Variants in RAB27A observed in about 807,000 individuals in gnomAD.
RAB27A encodes ras-related protein Rab-27A.
Under a neutral mutation model 20.8 loss-of-function variants are expected in RAB27A, and 17 were observed. The ratio of observed to expected loss-of-function variants is 0.82; its 90% CI spans 0.56 to 1.23. The LOEUF is 1.23. Among genes scored for constraint, RAB27A ranks in the 50% most tolerant of loss-of-function variants. The pLI is 0.00. For synonymous variants in RAB27A, 85 were observed against 92.8 expected (o/e 0.92, Z 0.48); for missense variants, 277 against 266.7 (o/e 1.04, Z -0.27).
chr15:55,209,207 C>T (rs1894800022), intron 6 of RAB27A, among the ~76,000 whole-genome samples: 1 of 152,024 alleles, frequency 6.6e-6, no homozygotes, highest in Non-Finnish European at 1.5e-5. Flanking sequence ...CTATAGTCAC[C>T]CTACTGATCC....
intron 2 of RAB27A, among the ~76,000 whole-genome samples, chr15:55,236,131 A>G (rs984915775): frequency 6.6e-6 from 1 of 151,078 alleles, no homozygotes; most frequent in Admixed American, 6.6e-5. Context: ...CCATGTAACT[A>G]AACACCACCT....
At chr15:55,310,257 G>A (rs2055014564) in intron 2 of RAB27A, among the ~76,000 whole-genome samples, 1 of 152,194 alleles carries the variant, frequency 6.6e-6, no homozygotes, top group Admixed American at 6.5e-5. Context: ...AGTTGTCCAG[G>A]ACAGAAGAGT....
chr15:55,280,933 G>T (rs1898000929), intron 1 of RAB27A, among the ~76,000 whole-genome samples: 1 of 152,108 alleles, frequency 6.6e-6, no homozygotes, highest in Non-Finnish European at 1.5e-5. Flanking sequence ...TTAGTTCCAA[G>T]TCTTTGCTAT....
At chr15:55,241,642 G>GTT (rs67185704) in intron 2 of RAB27A, among the ~76,000 whole-genome samples, 22 of 124,914 alleles carry the variant, frequency 1.8e-4, no homozygotes, top group Non-Finnish European at 3.1e-4. Flanking sequence ...ATATATATTT[G>GTT]TTTTTTTTTT....
intron 1 of RAB27A, among the ~76,000 whole-genome samples, chr15:55,283,321 G>A (rs926361575): frequency 6.6e-6 from 1 of 152,150 alleles, no homozygotes; most frequent in African/African-American, 2.4e-5. Flanking sequence ...ATACACTGGT[G>A]TGATATCACA....
chr15:55,312,147 G>T (rs866775632), intron 2 of RAB27A, among the ~76,000 whole-genome samples: 30 of 152,364 alleles, frequency 2.0e-4, no homozygotes, highest in Admixed American at 4.6e-4. Context: ...GTCCGATCAG[G>T]AGTGGCAATG....
intron 2 of RAB27A, among the ~76,000 whole-genome samples, chr15:55,267,574 T>C (rs1000747194): frequency 1.6e-4 from 24 of 152,242 alleles, no homozygotes; most frequent in African/African-American, 5.3e-4. Flanking sequence ...AAATAAATAA[T>C]GGTTCTTGTG....
chr15:55,227,153 A>G (rs2140968569), intron 5 of RAB27A, among the ~76,000 whole-genome samples: 1 of 152,332 alleles, frequency 6.6e-6, no homozygotes, highest in South Asian at 2.1e-4. Context: ...AACAAAATAC[A>G]TACATATGTA....
intron 2 of RAB27A, chr15:55,238,030 T>C (rs574296259): frequency 1.3e-5 from 2 of 152,292 alleles, no homozygotes; most frequent in South Asian, 2.1e-4. Context: ...ACAATAGCAA[T>C]ACTGACCAAG....
At chr15:55,230,560 G>T in intron 3 of RAB27A, 74 bp from the exon 4 acceptor site, 1 of 1,240,606 alleles carries the variant, frequency 8.1e-7, no homozygotes, top group Non-Finnish European at 1.2e-6. Flanking sequence ...TTTTTGTTCA[G>T]TACAAATCCC....
intron 5 of RAB27A, among the ~76,000 whole-genome samples, chr15:55,226,729 G>A (rs1039341142): frequency 6.6e-6 from 1 of 151,800 alleles, no homozygotes; most frequent in Non-Finnish European, 1.5e-5. Flanking sequence ...TTAGCTGGGG[G>A]TGTTGGTGTG....
chr15:55,273,996 GC>G (rs1202227113), intron 1 of RAB27A, among the ~76,000 whole-genome samples: 1 of 152,086 alleles, frequency 6.6e-6, no homozygotes, highest in East Asian at 1.9e-4. Flanking sequence ...CATACAGTAG[GC>G]CACAAAACAA....
At chr15:55,303,792 G>A (rs2054985696) in intron 2 of RAB27A, among the ~76,000 whole-genome samples, 2 of 125,998 alleles carry the variant, frequency 1.6e-5, no homozygotes, top group African/African-American at 6.7e-5. Context: ...GGAGGTGGGG[G>A]GGTCAGCCCC....
intron 1 of RAB27A, among the ~76,000 whole-genome samples, chr15:55,271,641 T>C (rs756305151): frequency 6.6e-6 from 1 of 152,256 alleles, no homozygotes; most frequent in Non-Finnish European, 1.5e-5. Flanking sequence ...GTCTTTGCTG[T>C]TGCTTTGTGA....
chr15:55,295,734 T>C (rs2054945869), intron 2 of RAB27A, among the ~76,000 whole-genome samples: 1 of 152,024 alleles, frequency 6.6e-6, no homozygotes, highest in Admixed American at 6.6e-5. Flanking sequence ...GCACACGAGG[T>C]TTCCTTCTGA....
chr15:55,241,522 G>A (rs1238770888), intron 2 of RAB27A, among the ~76,000 whole-genome samples: 1 of 150,560 alleles, frequency 6.6e-6, no homozygotes, highest in Non-Finnish European at 1.5e-5. Context: ...TGTAATACCA[G>A]TGACTGAGGA....
At chr15:55,244,221 A>T (rs1224212521) in intron 2 of RAB27A, among the ~76,000 whole-genome samples, 1 of 152,194 alleles carries the variant, frequency 6.6e-6, no homozygotes, top group Non-Finnish European at 1.5e-5. Flanking sequence ...GGGTTGAGGC[A>T]GGAGAATCAC....
chr15:55,291,394 C>T (rs1470330586), upstream of RAB27A, among the ~76,000 whole-genome samples: 2 of 151,812 alleles, frequency 1.3e-5, no homozygotes, highest in African/African-American at 4.8e-5. Flanking sequence ...CCTGTAGTCT[C>T]AGCTACTTAG....
chr15:55,311,245 C>T (rs115351534), intron 2 of RAB27A, among the ~76,000 whole-genome samples: 7,103 of 152,294 alleles, frequency 0.047, 569 homozygotes, highest in African/African-American at 0.16. Flanking sequence ...GATCAAAGGA[C>T]TGTCCTAACC....
Sources: allele counts gnomAD v4.1 joint callset (sites outside exome capture counted in the v4.1 genomes callset), GRCh38; gene constraint gnomAD v4.1.1; transcripts MANE v1.5; gene names NCBI Gene and HGNC (gene_info 2026-07-23, HGNC 2026-07-21).